WDPCP: variants seen among roughly 807,000 people sequenced by gnomAD.
The protein encoded by WDPCP is WD repeat containing planar cell polarity effector.
A neutral mutation model predicts 93.1 loss-of-function variants in WDPCP; 71 were observed. The observed-to-expected ratio is 0.76, with a 90% CI of 0.63 to 0.93. The LOEUF is 0.93. Ranked by LOEUF, WDPCP falls within the 40% of genes least tolerant of loss-of-function variation. The pLI is 0.00. For synonymous variants in WDPCP, 315 were observed against 315.0 expected, an observed-to-expected ratio of 1.00 and a Z score of 0.00; for missense variants, 844 against 887.4, an observed-to-expected ratio of 0.95 and a Z score of 0.62.
chr2:63,575,662 T>C (rs1416166953), intron 1 of WDPCP, among the ~76,000 whole-genome samples: 2 of 149,650 alleles, frequency 1.3e-5, no homozygotes, highest in African/African-American at 4.9e-5. Flanking sequence ...CTACTAAATA[T>C]ATCTTATTTA....
chr2:63,130,833 T>C (rs752558300), intron 17 of WDPCP, among the ~76,000 whole-genome samples: 1 of 152,146 alleles, frequency 6.6e-6, no homozygotes, highest in Non-Finnish European at 1.5e-5. Flanking sequence ...TGTCTATTTC[T>C]TTCTTCAATT....
rs182754637 is a variant in WDPCP, at chr2:63,310,144, C to A, written c.1812+3104G>T. 3.0e-4 allele frequency among the ~76,000 whole-genome samples: 45 copies of A among 152,174 alleles called. 1 individual carries two copies. In the East Asian group the frequency reaches 6.9e-3, roughly 23 times the overall value. The stretch of plus-strand genomic sequence containing the variant: ...TCTTAAGTCATTACAATATGCCAGG[C>A]ACTTCATATATATTATTAATTCATT... On this transcript the variant is annotated intron_variant, in intron 13 of 17. Coordinates refer to ENST00000272321, the MANE Select transcript of WDPCP (RefSeq NM_015910.7).
In WDPCP at chr2:63,405,415, A is replaced by G. The variant is rs145724298; in HGVS notation, c.826-758T>C. Among the ~76,000 whole-genome samples the G allele has an allele frequency of 3.3e-5, 5 of 152,310 alleles. No individual in the cohort carries two copies. In the East Asian group the frequency reaches 9.6e-4, roughly 29 times the overall value. ...GTCCACTTATAGGTGGATGTTTTTCAACCAAATGCAAATAGAAAATACAGT... is the reference window on the plus strand; with the variant it reads ...GTCCACTTATAGGTGGATGTTTTTCGACCAAATGCAAATAGAAAATACAGT... On this transcript the variant is annotated intron_variant, in intron 9 of 17. Coordinates refer to ENST00000272321, the MANE Select transcript of WDPCP (RefSeq NM_015910.7).
At chr2:63,305,151 G>C (rs919813734) in intron 13 of WDPCP, among the ~76,000 whole-genome samples, 2 of 152,158 alleles carry the variant, frequency 1.3e-5, no homozygotes, top group Admixed American at 6.5e-5. Context: ...CTGGGGGAAA[G>C]GGCGACTTTG....
At position 63,497,133 on chromosome 2, in the gene WDPCP, G is replaced by A. The variant is rs201089339; in HGVS notation, c.76-4193C>T. Among the ~76,000 whole-genome samples the A allele has an allele frequency of 4.6e-3, 318 of 68,406 alleles. 1 individual carries two copies. Among genetic ancestry groups the A allele is most frequent in the African/African-American group, 0.015 (262 of 17,134 alleles). The allele number at this position is 68,406 out of a possible 152,430, so 44.9% of individuals were successfully genotyped here. On this transcript the variant is annotated intron_variant, in intron 1 of 17. Transcript: ENST00000272321. ...TCTCAAAAAAAAAAAAAAAAAAAAA[G>A]AATGGAGAAGTGGCTGCAGGAAGTG...
chr2:63,570,900 A>C (rs762241946), intron 1 of WDPCP, among the ~76,000 whole-genome samples: 8 of 151,696 alleles, frequency 5.3e-5, no homozygotes, highest in African/African-American at 1.9e-4. Flanking sequence ...AACTTTGGGT[A>C]AATTTTTTTT....
At chr2:63,344,359 G>A (rs151326825) in intron 12 of WDPCP, among the ~76,000 whole-genome samples, 41 of 152,180 alleles carry the variant, frequency 2.7e-4, no homozygotes, top group Admixed American at 8.5e-4. Flanking sequence ...AAAATTTTCC[G>A]AGAACTAGGG....
chr2:63,197,809 C>A (rs1306640491), intron 14 of WDPCP, among the ~76,000 whole-genome samples: 1 of 152,156 alleles, frequency 6.6e-6, no homozygotes, highest in Non-Finnish European at 1.5e-5. Flanking sequence ...CCTTTTCTAC[C>A]ACATCTTACC....
intron 14 of WDPCP, among the ~76,000 whole-genome samples, chr2:63,236,153 G>A (rs1679374921): frequency 6.6e-6 from 1 of 152,124 alleles, no homozygotes; most frequent in Non-Finnish European, 1.5e-5. Context: ...CAAAATCAAT[G>A]TACAAAAATC....
intron 2 of WDPCP, among the ~76,000 whole-genome samples, chr2:63,798,195 G>A (rs1465581154): frequency 6.6e-6 from 1 of 152,108 alleles, no homozygotes; most frequent in African/African-American, 2.4e-5. Flanking sequence ...CACTTAGAAA[G>A]AAAACAATGT....
intron 2 of WDPCP, among the ~76,000 whole-genome samples, chr2:63,768,080 T>C (rs1388504272): frequency 6.6e-6 from 1 of 152,134 alleles, no homozygotes; most frequent in East Asian, 1.9e-4. Context: ...CTATGATCAA[T>C]TTTTAGTTGA....
chr2:63,342,569 G>T (rs183833490), intron 12 of WDPCP, among the ~76,000 whole-genome samples: 1 of 151,978 alleles, frequency 6.6e-6, no homozygotes, highest in South Asian at 2.1e-4. Context: ...TATAATTAAT[G>T]TACTAAATTT....
chr2:63,299,899 T>C (rs1388954824), intron 13 of WDPCP, among the ~76,000 whole-genome samples: 1 of 152,154 alleles, frequency 6.6e-6, no homozygotes, highest in Non-Finnish European at 1.5e-5. Context: ...CATGGATGAA[T>C]GCCGGCAGGA....
At chr2:63,452,798 A>C (rs1278302962) in intron 6 of WDPCP, among the ~76,000 whole-genome samples, 1 of 152,222 alleles carries the variant, frequency 6.6e-6, no homozygotes, top group Non-Finnish European at 1.5e-5. Flanking sequence ...ACACATCTAC[A>C]ACTATCTGAT....
In WDPCP at chr2:63,588,226, T is replaced by G. The variant is rs952535961; in HGVS notation, c.46A>C (p.Ser16Arg). 52 of 1,575,366 alleles carry G rather than the reference T, an allele frequency of 3.3e-5. No individual in the cohort carries two copies. Among genetic ancestry groups the G allele is most frequent in the Non-Finnish European group, 4.3e-5 (50 of 1,158,144 alleles). ...CWDAYSKAAGSRASSPLPRQD... is the reference protein window; with the variant it reads ...CWDAYSKAAGRRASSPLPRQD... ...CTCGGGAGTGGGGAAGAAGCGCGAC[T>G]CCCGGCCGCTTTGGAGTAGGCGTCC... The change falls in exon 1 of 18, where the codon AGT (serine) becomes CGT (arginine). Residue 16 changes from serine to arginine, a missense_variant. Coordinates refer to ENST00000272321, the MANE Select transcript of WDPCP (RefSeq NM_015910.7).
intron 1 of WDPCP, among the ~76,000 whole-genome samples, chr2:63,817,502 C>T (rs1670954313): frequency 6.6e-6 from 1 of 152,144 alleles, no homozygotes; most frequent in Non-Finnish European, 1.5e-5. Context: ...ACTGAAATTA[C>T]ACATTAAGGT....
chr2:63,646,527 T>G (rs549873433), intron 3 of WDPCP, among the ~76,000 whole-genome samples: 1 of 152,258 alleles, frequency 6.6e-6, no homozygotes, highest in Admixed American at 6.5e-5. Context: ...ATACTGCTTG[T>G]TCACATTTTT....
intron 17 of WDPCP, among the ~76,000 whole-genome samples, chr2:63,125,886 C>G (rs904000167): frequency 5.3e-5 from 8 of 151,282 alleles, no homozygotes; most frequent in African/African-American, 1.7e-4. Flanking sequence ...GCTGGGATTA[C>G]AGGCGTGAGC....
chr2:63,478,365 C>T (rs1481382074), intron 6 of WDPCP, among the ~76,000 whole-genome samples: 1 of 152,058 alleles, frequency 6.6e-6, no homozygotes, highest in East Asian at 1.9e-4. Context: ...CAAAACATTC[C>T]ATCCAACAAC....
Sources: gnomAD v4.1 joint callset for allele counts (sites outside exome capture counted in the v4.1 genomes callset) on GRCh38, gnomAD v4.1.1 for gene constraint, MANE v1.5 for transcripts, NCBI Gene and HGNC (gene_info 2026-07-23, HGNC 2026-07-21) for gene names.